Variants in TRAPPC8 observed in about 807,000 individuals in gnomAD.
TRAPPC8 encodes the protein trafficking protein particle complex subunit 8, also known as general sporulation gene 1 homolog.
A neutral mutation model predicts 174.3 loss-of-function variants in TRAPPC8; 54 were observed. The ratio of observed to expected loss-of-function variants is 0.31; its 90% CI spans 0.25 to 0.39. The LOEUF (loss-of-function observed/expected upper bound fraction) is 0.39, where lower values mean the gene tolerates loss of function less well. Ranked by LOEUF, TRAPPC8 falls within the 10% of genes least tolerant of loss-of-function variation. The pLI, the probability that TRAPPC8 is intolerant of heterozygous loss-of-function variation, is 1.00. For missense variants in TRAPPC8, 1,531 were observed against 1,699.1 expected, an observed-to-expected ratio of 0.90 and a Z score of 1.74; for synonymous variants, 630 against 579.9, an observed-to-expected ratio of 1.09 and a Z score of -1.24.
At chr18:31,874,748 T>C in intron 12 of TRAPPC8, 44 bp from the exon 13 acceptor site, 1 of 1,542,000 alleles carries the variant, frequency 6.5e-7, no homozygotes, top group East Asian at 2.3e-5. Context: ...TCCAAATTTG[T>C]TTGAACTAGA....
In TRAPPC8 at chr18:31,897,729, CT is replaced by C. The variant is rs372592101; in HGVS notation, c.1596+56del. On this transcript the variant is annotated intron_variant, in intron 11 of 28. Transcript: ENST00000283351. ...AAGCCTTTCAAGAAAAAAGATACATCTTTTTAAAAAAAAAAGAACAATGCTA... is the reference window on the plus strand; with the variant it reads ...AAGCCTTTCAAGAAAAAAGATACATCTTTTAAAAAAAAAAGAACAATGCTA... 9.2e-5 allele frequency: 116 copies of C among 1,257,350 alleles called. No individual in the cohort carries two copies. The African/African-American group carries it at 1.7e-3, about 19-fold the overall frequency. 77.9% of individuals were successfully genotyped at this position (1,257,350 alleles called of 1,614,324 possible). A position where few individuals can be genotyped will look rare whatever the true frequency, so the allele number is the denominator to read the frequency against.
At chr18:31,898,014 G>A in intron 10 of TRAPPC8, 123 bp from the exon 11 acceptor site, 1 of 748,600 alleles carries the variant, frequency 1.3e-6, no homozygotes, top group Non-Finnish European at 2.0e-6. Flanking sequence ...ATGGTTCCAG[G>A]ACCCTCCAGG....
intron 12 of TRAPPC8, among the ~76,000 whole-genome samples, chr18:31,877,253 G>T (rs768616307): frequency 6.6e-6 from 1 of 152,258 alleles, no homozygotes; most frequent in Non-Finnish European, 1.5e-5. Context: ...CTCCCTGCTG[G>T]GAGCTGGCAG....
At position 31,852,647 on chromosome 18, in the gene TRAPPC8, A is replaced by C; in HGVS notation, c.3450T>G (p.Ser1150Arg). 6.2e-7 allele frequency: 1 copy of C among 1,613,850 alleles called. No homozygotes were observed. Among genetic ancestry groups the C allele is most frequent in the Non-Finnish European group, 8.5e-7 (1 of 1,179,936 alleles). The change falls in exon 23 of 29, where the codon AGT (serine) becomes AGG (arginine). Residue 1150 changes from serine (S) to arginine (R), a missense_variant. Ser to Arg is a moderately radical substitution (Grantham distance 110). Transcript: ENST00000283351. Reference protein sequence around the residue: ...LSENKDTKLASREKGKFCFKA... With the variant: ...LSENKDTKLARREKGKFCFKA... ...TAAAGCAAAACTTTCCCTTCTCCCT[A>C]CTGGCAAGTTTGGTATCTAGGAAGA...
rs201000989 is a variant in TRAPPC8 at position 31,899,907 on chromosome 18, T to C, written c.1490+1018A>G. Among the ~76,000 whole-genome samples the C allele has an allele frequency of 3.3e-5, 5 of 151,456 alleles. No individual in the cohort carries two copies. The East Asian group carries it at 5.9e-4, about 18-fold the overall frequency. ...GTAGCAATGAGCTGAGATCACACCA[T>C]TGCATTCCAGGTGGGTGACAATGCG... is the stretch of plus-strand genomic sequence containing the variant. On this transcript the variant is annotated intron_variant, in intron 10 of 28. Coordinates refer to ENST00000283351, the MANE Select transcript of TRAPPC8 (RefSeq NM_014939.5).
At chr18:31,924,638 T>G (rs1204762291) in intron 2 of TRAPPC8, among the ~76,000 whole-genome samples, 2 of 145,576 alleles carry the variant, frequency 1.4e-5, no homozygotes, top group African/African-American at 2.6e-5. Context: ...TAAATCTGCC[T>G]GAAGCAGGAG....
chr18:31,936,667 G>A (rs952252508), intron 1 of TRAPPC8, among the ~76,000 whole-genome samples: 9 of 150,032 alleles, frequency 6.0e-5, no homozygotes, highest in East Asian at 4.0e-4. Context: ...TTGGGAGGCC[G>A]AAGGCGGGTG....
At chr18:31,861,526 T>A (rs534103913) in intron 19 of TRAPPC8, among the ~76,000 whole-genome samples, 1 of 152,174 alleles carries the variant, frequency 6.6e-6, no homozygotes, top group Non-Finnish European at 1.5e-5. Flanking sequence ...GCTTAAACAA[T>A]GTAAAAGTAA....
At position 31,911,366 on chromosome 18, in the gene TRAPPC8, G is replaced by A. The variant is rs140110593; in HGVS notation, c.772-1606C>T. ...ACCCTGTCTCGACTAAAAATGAATC[G>A]CTTGAACCCAGGAGGTGGAGGTTGC... On this transcript the variant is annotated intron_variant, in intron 5 of 28. Transcript: ENST00000283351. Among the ~76,000 whole-genome samples, 1,497 of 151,456 alleles carry A rather than the reference G, an allele frequency of 9.9e-3. 29 individuals carry two copies. Among genetic ancestry groups the A allele is most frequent in the African/African-American group, 0.034 (1,392 of 41,230 alleles).
chr18:31,842,247 CAG>C (rs2033144377), intron 26 of TRAPPC8, among the ~76,000 whole-genome samples: 1 of 152,166 alleles, frequency 6.6e-6, no homozygotes, highest in Non-Finnish European at 1.5e-5. Context: ...ACTATTTTCT[CAG>C]AGTTAAGTAA....
intron 12 of TRAPPC8, 124 bp from the exon 13 acceptor site, chr18:31,874,828 A>G: frequency 2.8e-6 from 2 of 723,236 alleles, no homozygotes; most frequent in Non-Finnish European, 4.5e-6. Context: ...GGACTGGGAT[A>G]ATGAAGAAAA....
intron 27 of TRAPPC8, 27 bp from the exon 28 acceptor site, chr18:31,832,200 T>G: frequency 7.1e-7 from 1 of 1,402,700 alleles, no homozygotes; most frequent in Non-Finnish European, 9.4e-7. Context: ...AACAAAAAAG[T>G]TATATATTTT....
chr18:31,851,262 C>G (rs879824269), intron 24 of TRAPPC8, among the ~76,000 whole-genome samples: 1 of 152,070 alleles, frequency 6.6e-6, no homozygotes, highest in Admixed American at 6.6e-5. Flanking sequence ...ATGCATACTC[C>G]CAAAGTCCAC....
chr18:31,935,548 T>TGAAAAAAAAAAAAAAAAAAACAAA (rs745488703), intron 1 of TRAPPC8, among the ~76,000 whole-genome samples: 1 of 46,286 alleles, frequency 2.2e-5, no homozygotes, highest in African/African-American at 1.1e-4. Context: ...AACTCCATCT[T>TGAAAAAAAAAAAAAAAAAAACAAA]AAAAAAAAAA....
At chr18:31,897,526 A>G (rs547954786) in intron 11 of TRAPPC8, among the ~76,000 whole-genome samples, 4 of 152,346 alleles carry the variant, frequency 2.6e-5, no homozygotes, top group South Asian at 2.1e-4. Flanking sequence ...ACAAAACGTA[A>G]TAAGTCACAG....
chr18:31,884,716 T>C (rs2035618969), intron 12 of TRAPPC8, among the ~76,000 whole-genome samples: 1 of 152,044 alleles, frequency 6.6e-6, no homozygotes, highest in South Asian at 2.1e-4. Context: ...TTTAAAGAAA[T>C]ATTTTCTTGG....
intron 22 of TRAPPC8, 96 bp downstream of exon 22, chr18:31,853,752 AG>A: frequency 1.2e-6 from 1 of 837,422 alleles, no homozygotes; most frequent in Non-Finnish European, 1.8e-6. Context: ...TGCTTAAAAA[AG>A]TTAATCCTAA....
At chr18:31,911,034 T>C (rs1254988247) in intron 5 of TRAPPC8, among the ~76,000 whole-genome samples, 1 of 152,202 alleles carries the variant, frequency 6.6e-6, no homozygotes, top group Non-Finnish European at 1.5e-5. Flanking sequence ...TAAAATACCA[T>C]GATAGCACTA....
intron 12 of TRAPPC8, among the ~76,000 whole-genome samples, chr18:31,877,364 G>C (rs2035207928): frequency 6.6e-6 from 1 of 151,850 alleles, no homozygotes; most frequent in African/African-American, 2.4e-5. Flanking sequence ...TGTAATCCCA[G>C]CACTTTGGGA....
Sources: allele counts gnomAD v4.1 joint callset (sites outside exome capture counted in the v4.1 genomes callset), GRCh38; gene constraint gnomAD v4.1.1; transcripts MANE v1.5; gene names NCBI Gene and HGNC (gene_info 2026-07-23, HGNC 2026-07-21).